NEGR1: variants seen among roughly 807,000 people sequenced by gnomAD.
NEGR1 encodes the protein IgLON family member 4.
A neutral mutation model predicts 40.9 loss-of-function variants in NEGR1; 10 were observed. The ratio of observed to expected loss-of-function variants is 0.24; its 90% CI spans 0.15 to 0.42. The LOEUF (loss-of-function observed/expected upper bound fraction) is 0.42. Ranked by LOEUF, NEGR1 falls within the 10% of genes least tolerant of loss-of-function variation. NEGR1 has a pLI of 1.00. For missense variants in NEGR1, 352 were observed against 438.9 expected, an observed-to-expected ratio of 0.80 and a Z score of 1.77; for synonymous variants, 185 against 166.8, an observed-to-expected ratio of 1.11 and a Z score of -0.84.
At chr1:71,573,126 C>T (rs1201015723) in intron 6 of NEGR1, among the ~76,000 whole-genome samples, 5 of 152,094 alleles carry the variant, frequency 3.3e-5, no homozygotes, top group Non-Finnish European at 7.4e-5. Flanking sequence ...ATGGGTATGG[C>T]TATTGTAGGT....
At chr1:72,255,547 CTTTTT>C (rs35452808) in intron 1 of NEGR1, among the ~76,000 whole-genome samples, 1 of 125,350 alleles carries the variant, frequency 8.0e-6, no homozygotes. Flanking sequence ...AAAAATACTT[CTTTTT>C]TTTTTTTTTT....
intron 6 of NEGR1, among the ~76,000 whole-genome samples, chr1:71,527,809 G>C (rs2101439644): frequency 6.6e-6 from 1 of 151,166 alleles, no homozygotes; most frequent in African/African-American, 2.4e-5. Flanking sequence ...ATTACCATAG[G>C]AAATGCTAGC....
chr1:72,110,379 G>A (rs904268299), intron 1 of NEGR1, among the ~76,000 whole-genome samples: 5 of 151,484 alleles, frequency 3.3e-5, no homozygotes, highest in African/African-American at 1.2e-4. Flanking sequence ...TAAAGTGAAT[G>A]CACTTGACAA....
intron 2 of NEGR1, 86 bp downstream of exon 2, chr1:71,934,993 A>C (rs1645890392): frequency 1.3e-6 from 1 of 753,798 alleles, no homozygotes; most frequent in African/African-American, 1.8e-5. Context: ...CAACATTGTT[A>C]ACTGCTTCCT....
At chr1:71,684,344 G>A (rs539481343) in intron 4 of NEGR1, among the ~76,000 whole-genome samples, 2 of 151,928 alleles carry the variant, frequency 1.3e-5, no homozygotes, top group East Asian at 3.9e-4. Context: ...CTTTTCCTAC[G>A]TAATCTTGCA....
chr1:72,127,202 C>A (rs755113841), intron 1 of NEGR1, among the ~76,000 whole-genome samples: 37 of 152,136 alleles, frequency 2.4e-4, no homozygotes, highest in South Asian at 4.2e-4. Context: ...GCCTGTAATC[C>A]GCCCGTAATC....
chr1:72,052,679 T>C (rs1647073499), intron 1 of NEGR1, among the ~76,000 whole-genome samples: 3 of 151,544 alleles, frequency 2.0e-5, no homozygotes, highest in African/African-American at 7.3e-5. Flanking sequence ...CTTTAATTTG[T>C]ACAAATTTGA....
chr1:71,995,985 C>A (rs1646501100), intron 1 of NEGR1, among the ~76,000 whole-genome samples: 1 of 152,036 alleles, frequency 6.6e-6, no homozygotes, highest in Non-Finnish European at 1.5e-5. Flanking sequence ...TTAGGGATAT[C>A]TATTTACGTA....
chr1:71,446,538 G>A (rs1646583684), intron 6 of NEGR1, among the ~76,000 whole-genome samples: 1 of 152,130 alleles, frequency 6.6e-6, no homozygotes, highest in Admixed American at 6.5e-5. Flanking sequence ...GTTTTACATA[G>A]ATTATATCCC....
At chr1:71,833,025 C>T (rs956569124) in intron 2 of NEGR1, among the ~76,000 whole-genome samples, 8 of 151,940 alleles carry the variant, frequency 5.3e-5, no homozygotes, top group Non-Finnish European at 1.2e-4. Flanking sequence ...GAAAGAAAAA[C>T]ATCATGAAAA....
At chr1:71,605,271 AAAT>A in intron 5 of NEGR1, among the ~76,000 whole-genome samples, 1 of 152,294 alleles carries the variant, frequency 6.6e-6, no homozygotes, top group South Asian at 2.1e-4. Context: ...ATACATTGTG[AAAT>A]GACTAAGTCA....
At chr1:71,735,650 T>TAC (rs1440305765) in intron 3 of NEGR1, among the ~76,000 whole-genome samples, 3 of 151,904 alleles carry the variant, frequency 2.0e-5, no homozygotes, top group Non-Finnish European at 4.4e-5. Flanking sequence ...CACACATATA[T>TAC]ACACACACAT....
Position 72,282,360 on chromosome 1 carries a change from C to T in NEGR1, c.135G>A (p.Val45=). The T allele has an allele frequency of 1.2e-6, 2 of 1,614,106 alleles. No individual in the cohort carries two copies. The highest frequency in any genetic ancestry group is 1.7e-6 in the Non-Finnish European group (2 of 1,180,022). Residue 45 remains valine, a synonymous_variant, in exon 1 of 7, where the codon GTG becomes GTA. Transcript: ENST00000357731. ...CCCCTTTTCTGACCATCATGTTGTC[C>T]ACGGCCGCCCAGGGGAAGTCCACAC... ...GQSVDFPWAA[V]DNMMVRKGDT... is the part of the protein sequence containing the mutation.
intron 1 of NEGR1, among the ~76,000 whole-genome samples, chr1:72,237,597 T>G (rs1654598014): frequency 6.6e-6 from 1 of 151,968 alleles, no homozygotes; most frequent in Non-Finnish European, 1.5e-5. Context: ...TATCAAAAAT[T>G]AAATGTCAAC....
intron 6 of NEGR1, among the ~76,000 whole-genome samples, chr1:71,453,435 C>T (rs947845566): frequency 4.6e-5 from 7 of 152,094 alleles, no homozygotes; most frequent in African/African-American, 1.7e-4. Context: ...ATAAGTAAGC[C>T]ATAATACTCA....
chr1:71,425,484 A>G (rs1646423014), intron 6 of NEGR1, among the ~76,000 whole-genome samples: 1 of 152,194 alleles, frequency 6.6e-6, no homozygotes, highest in South Asian at 2.1e-4. Context: ...AGTCAGTGCT[A>G]TTATTCCACT....
intron 2 of NEGR1, among the ~76,000 whole-genome samples, chr1:71,817,112 G>A (rs552257250): frequency 2.5e-4 from 38 of 152,072 alleles, no homozygotes; most frequent in African/African-American, 4.6e-4. Flanking sequence ...ATTCTGGCAC[G>A]GTTTCTGCAT....
intron 4 of NEGR1, among the ~76,000 whole-genome samples, chr1:71,637,508 A>G (rs950396703): frequency 1.3e-5 from 2 of 151,952 alleles, no homozygotes; most frequent in African/African-American, 4.8e-5. Context: ...CCCTATTTCT[A>G]TAGATAGCAA....
chr1:72,047,111 TA>T (rs1647009856), intron 1 of NEGR1, among the ~76,000 whole-genome samples: 1 of 151,572 alleles, frequency 6.6e-6, no homozygotes, highest in African/African-American at 2.4e-5. Context: ...CAAGTTCATT[TA>T]AAAGATTAGT....
Sources: gnomAD v4.1 joint callset for allele counts (sites outside exome capture counted in the v4.1 genomes callset) on GRCh38, gnomAD v4.1.1 for gene constraint, MANE v1.5 for transcripts, NCBI Gene and HGNC (gene_info 2026-07-23, HGNC 2026-07-21) for gene names.